Variants in RAP1A observed in about 807,000 individuals in gnomAD.
RAP1A encodes the protein RAP1A, member of RAS oncogene family, also known as ras-related protein Rap-1A.
RAP1A carries 6 observed loss-of-function variants against 26.4 expected under a neutral mutation model. The ratio of observed to expected loss-of-function variants is 0.23; its 90% CI spans 0.12 to 0.45. The LOEUF is 0.45. RAP1A is among the 20% of genes least tolerant of loss of function. The probability of loss-of-function intolerance (pLI) is 0.99; values close to 1 mark genes in which losing one functional copy is unlikely to be tolerated. For missense variants in RAP1A, 121 were observed against 217.2 expected (o/e 0.56, Z 2.78); for synonymous variants, 73 against 79.4 (o/e 0.92, Z 0.43).
At chr1:111,688,629 A>T (rs1156893431) in intron 1 of RAP1A, among the ~76,000 whole-genome samples, 1 of 151,814 alleles carries the variant, frequency 6.6e-6, no homozygotes, top group Non-Finnish European at 1.5e-5. Context: ...CAAAGTCTGT[A>T]TATTTTAACT....
At chr1:111,543,049 T>C (rs1451748228) in intron 1 of RAP1A, among the ~76,000 whole-genome samples, 4 of 152,216 alleles carry the variant, frequency 2.6e-5, no homozygotes, top group Non-Finnish European at 4.4e-5. Flanking sequence ...AGTCTATTTG[T>C]AGATTCTCCC....
chr1:111,706,198 C>G (rs1418896019), intron 6 of RAP1A, among the ~76,000 whole-genome samples: 2 of 152,174 alleles, frequency 1.3e-5, no homozygotes, highest in African/African-American at 2.4e-5. Context: ...ACTTTATGCT[C>G]AGTTCTTGAG....
intron 1 of RAP1A, among the ~76,000 whole-genome samples, chr1:111,682,955 G>A (rs184319337): frequency 2.0e-5 from 3 of 151,898 alleles, no homozygotes; most frequent in Admixed American, 6.6e-5. Flanking sequence ...GTAAAGGAAC[G>A]GAAATAATAA....
At chr1:111,542,882 A>G (rs1656890353) in intron 1 of RAP1A, among the ~76,000 whole-genome samples, 1 of 152,016 alleles carries the variant, frequency 6.6e-6, no homozygotes, top group African/African-American at 2.4e-5. Flanking sequence ...TTTTTAATAG[A>G]GATGGGGTTT....
intron 1 of RAP1A, among the ~76,000 whole-genome samples, chr1:111,640,918 T>C (rs759707629): frequency 3.9e-5 from 6 of 152,078 alleles, no homozygotes; most frequent in Non-Finnish European, 8.8e-5. Context: ...GAGCCATGAT[T>C]GTGCCACTAC....
intron 1 of RAP1A, among the ~76,000 whole-genome samples, chr1:111,581,629 A>G (rs1051504105): frequency 1.3e-5 from 2 of 152,262 alleles, no homozygotes; most frequent in African/African-American, 2.4e-5. Flanking sequence ...AATGAATTTA[A>G]AATTCCATAA....
chr1:111,686,759 A>C (rs1661495160), intron 1 of RAP1A: 1 of 151,172 alleles, frequency 6.6e-6, no homozygotes, highest in Non-Finnish European at 1.5e-5. Flanking sequence ...TGAGAACTGG[A>C]CTAAAGTAAC....
chr1:111,630,890 A>G (rs1659547455), intron 1 of RAP1A, among the ~76,000 whole-genome samples: 1 of 152,176 alleles, frequency 6.6e-6, no homozygotes, highest in Admixed American at 6.5e-5. Flanking sequence ...GAATTTGAAG[A>G]TGGTGTTACT....
rs148470338 is a variant in RAP1A, at chr1:111,681,243, G to A, written c.-27-10091G>A. On this transcript the variant is annotated intron_variant, in intron 1 of 7. Transcript: ENST00000369709. Reference sequence around the variant, plus strand: ...AGCCTGGACAACAGAGTGAAACTCCGTCTCAGGGGAAAAAATGCTGAAAAT... The same window carrying A: ...AGCCTGGACAACAGAGTGAAACTCCATCTCAGGGGAAAAAATGCTGAAAAT... Among the ~76,000 whole-genome samples, 9 of 152,220 alleles carry A rather than the reference G, an allele frequency of 5.9e-5. No homozygotes were observed. In the East Asian group the frequency reaches 1.2e-3, roughly 20 times the overall value.
intron 1 of RAP1A, among the ~76,000 whole-genome samples, chr1:111,651,112 G>A (rs1660255003): frequency 6.6e-6 from 1 of 152,108 alleles, no homozygotes; most frequent in Non-Finnish European, 1.5e-5. Flanking sequence ...TCACCTTATA[G>A]TTTCATACAG....
chr1:111,554,971 G>A (rs1172014463), intron 1 of RAP1A, among the ~76,000 whole-genome samples: 2 of 152,060 alleles, frequency 1.3e-5, no homozygotes, highest in Non-Finnish European at 2.9e-5. Flanking sequence ...GACTTTAAAT[G>A]TAGTTATTAA....
At chr1:111,620,013 C>G (rs2101087144) in intron 1 of RAP1A, 79 bp downstream of exon 1, 1 of 396,054 alleles carries the variant, frequency 2.5e-6, no homozygotes, top group Middle Eastern at 6.3e-4. Flanking sequence ...GGTGAGGCGG[C>G]TCATGTCGCC....
intron 1 of RAP1A, among the ~76,000 whole-genome samples, chr1:111,610,533 AACACACACACACACACAC>A (rs71099922): frequency 3.7e-3 from 525 of 141,898 alleles, no homozygotes; most frequent in African/African-American, 0.011. Context: ...CCCTCCACCC[AACACACACACACACACAC>A]ACACACACAC....
intron 1 of RAP1A, among the ~76,000 whole-genome samples, chr1:111,576,122 A>G (rs1245124197): frequency 6.6e-6 from 1 of 152,192 alleles, no homozygotes; most frequent in African/African-American, 2.4e-5. Flanking sequence ...TTTAAAGTGC[A>G]TATGGATCAC....
chr1:111,549,523 G>A (rs971824105), intron 1 of RAP1A, among the ~76,000 whole-genome samples: 7 of 151,746 alleles, frequency 4.6e-5, no homozygotes, highest in South Asian at 4.2e-4. Flanking sequence ...GGTGGCATGC[G>A]CCTGTAGTCC....
At chr1:111,705,270 G>T (rs1260680838) in intron 6 of RAP1A, among the ~76,000 whole-genome samples, 1 of 152,110 alleles carries the variant, frequency 6.6e-6, no homozygotes, top group Non-Finnish European at 1.5e-5. Context: ...TCCTGCCGTT[G>T]CTTTTGCCAT....
At chr1:111,660,942 C>G (rs753319859) in intron 1 of RAP1A, among the ~76,000 whole-genome samples, 9 of 152,226 alleles carry the variant, frequency 5.9e-5, no homozygotes, top group Non-Finnish European at 1.2e-4. Flanking sequence ...GTTGTTTACT[C>G]AAACATCACT....
intron 1 of RAP1A, among the ~76,000 whole-genome samples, chr1:111,620,442 G>T (rs913767524): frequency 1.3e-5 from 2 of 152,200 alleles, no homozygotes; most frequent in African/African-American, 2.4e-5. Context: ...CGCGGGGGCG[G>T]GGGGGAGGGA....
At chr1:111,647,956 C>G (rs542398200) in intron 1 of RAP1A, among the ~76,000 whole-genome samples, 1 of 152,274 alleles carries the variant, frequency 6.6e-6, no homozygotes, top group South Asian at 2.1e-4. Context: ...CTTTTAAGGT[C>G]TGTGTTCAGG....
Sources: gnomAD v4.1 joint callset for allele counts (sites outside exome capture counted in the v4.1 genomes callset) on GRCh38, gnomAD v4.1.1 for gene constraint, MANE v1.5 for transcripts, NCBI Gene and HGNC (gene_info 2026-07-23, HGNC 2026-07-21) for gene names.